Variants in CCDC39 observed in about 807,000 individuals in gnomAD.
The protein encoded by CCDC39 is coiled-coil domain-containing protein 39.
CCDC39 carries 113 observed loss-of-function variants against 121.0 expected under a neutral mutation model. The observed-to-expected ratio is 0.93, with a 90% CI of 0.80 to 1.09. CCDC39 has a LOEUF of 1.09. Among genes scored for constraint, CCDC39 ranks in the 50% least tolerant of loss-of-function variants. The pLI is 0.00. For synonymous variants in CCDC39, 349 were observed against 352.2 expected (o/e 0.99, Z 0.10); for missense variants, 1,063 against 1,074.7 (o/e 0.99, Z 0.15).
intron 1 of CCDC39, among the ~76,000 whole-genome samples, chr3:180,668,157 C>T (rs1003012092): frequency 6.6e-6 from 1 of 152,126 alleles, no homozygotes; most frequent in African/African-American, 2.4e-5. Flanking sequence ...GCGGACAGAT[C>T]ACTTGAGACC....
rs748151034 is a variant in CCDC39 at position 180,648,328 on chromosome 3, C to A, written c.1199G>T (p.Gly400Val). 6.3e-7 allele frequency: 1 copy of A among 1,589,870 alleles called. No homozygotes were observed. The highest frequency in any genetic ancestry group is 1.4e-5 in the African/African-American group (1 of 73,786). The stretch of plus-strand genomic sequence containing the variant: ...CTCCTGAGCTTTCTTAAACAGCACA[C>A]CTTTTATGAGGTTCAGTTGAACATC... ...EVDVQLNLIK[G>V]VLFKKAQELQ... Residue 400 changes from glycine to valine, a missense_variant, in exon 10 of 20, where the codon GGT becomes GTT. Physicochemically the swap from Gly to Val is moderately radical, Grantham distance 109. Transcript: ENST00000476379.
intron 3 of CCDC39, among the ~76,000 whole-genome samples, chr3:180,661,274 AAC>A (rs1437414980): frequency 6.6e-6 from 1 of 152,056 alleles, no homozygotes; most frequent in East Asian, 1.9e-4. Flanking sequence ...CTCATAAAAA[AAC>A]AGAGACAACT....
Position 180,654,939 on chromosome 3 carries a change from T to C in CCDC39, c.753A>G (p.Ile251Met). 2 of 1,560,266 alleles carry C rather than the reference T, an allele frequency of 1.3e-6. No homozygotes were observed. Among genetic ancestry groups the C allele is most frequent in the Middle Eastern group, 1.7e-4 (1 of 5,940 alleles). ...TTTCTTTTTCTCTCGTTTCCTGCTT[T>C]ATCCTTGCTAATTCCTAGGATTAAA... ...IDNCALELAR[I>M]KQETREKENL... Residue 251 changes from isoleucine to methionine, a missense_variant, in exon 7 of 20, where the codon ATA (isoleucine) becomes ATG (methionine). Ile to Met is a conservative substitution (Grantham distance 10). Transcript: ENST00000476379.
intron 6 of CCDC39, among the ~76,000 whole-genome samples, chr3:180,659,046 G>C (rs543313147): frequency 1.3e-5 from 2 of 152,206 alleles, no homozygotes; most frequent in African/African-American, 4.8e-5. Flanking sequence ...CTGCAGTCTA[G>C]GTTTCTTTTC....
intron 13 of CCDC39, among the ~76,000 whole-genome samples, chr3:180,634,958 A>T (rs6766929): frequency 0.36 from 54,243 of 152,080 alleles, 12,315 homozygotes; most frequent in African/African-American, 0.65. Flanking sequence ...ATAACCATTT[A>T]ATTAGTCCAT....
At chr3:180,674,793 A>C (rs1576955973) in intron 1 of CCDC39, among the ~76,000 whole-genome samples, 1 of 151,812 alleles carries the variant, frequency 6.6e-6, no homozygotes. Context: ...ATTGATTTGC[A>C]TATGTTGAAC....
intron 13 of CCDC39, among the ~76,000 whole-genome samples, chr3:180,637,312 A>G (rs1436265364): frequency 6.6e-6 from 1 of 152,208 alleles, no homozygotes; most frequent in Non-Finnish European, 1.5e-5. Context: ...GCCAAAAAGC[A>G]TATGAAAAAA....
At chr3:180,627,582 C>G (rs189732236) in intron 14 of CCDC39, among the ~76,000 whole-genome samples, 66 of 152,292 alleles carry the variant, frequency 4.3e-4, no homozygotes, top group Non-Finnish European at 7.8e-4. Context: ...CTTAATTGGA[C>G]AGTGTCATTA....
chr3:180,655,082 T>A (rs2108426545), intron 6 of CCDC39, 129 bp from the exon 7 acceptor site: 1 of 525,340 alleles, frequency 1.9e-6, no homozygotes, highest in East Asian at 3.5e-5. Context: ...AAGACATTTT[T>A]AAATACTTTT....
intron 19 of CCDC39, 48 bp downstream of exon 19, chr3:180,616,233 T>C (rs763335498): frequency 6.6e-7 from 1 of 1,504,496 alleles, no homozygotes; most frequent in East Asian, 2.3e-5. Flanking sequence ...AATCACTTAG[T>C]GTACAGCTGT....
intron 14 of CCDC39, among the ~76,000 whole-genome samples, chr3:180,625,081 T>G (rs1717526429): frequency 6.6e-6 from 1 of 152,162 alleles, no homozygotes; most frequent in East Asian, 1.9e-4. Flanking sequence ...TTACTAGACT[T>G]GAGATGTTTT....
chr3:180,668,234 C>T (rs1021874942), intron 1 of CCDC39, among the ~76,000 whole-genome samples: 1 of 152,042 alleles, frequency 6.6e-6, no homozygotes, highest in Admixed American at 6.6e-5. Flanking sequence ...AAAAAATTAG[C>T]CGGGTATGGT....
chr3:180,656,535 C>T lies in CCDC39; in HGVS notation c.739-1582G>A, dbSNP rs1443638039. Among the ~76,000 whole-genome samples the T allele has an allele frequency of 2.0e-5, 3 of 152,128 alleles. No homozygotes were observed. In the East Asian group the frequency reaches 5.8e-4, roughly 29 times the overall value. ...ATAAAATATTCCACCCTCCAATATG[C>T]TACCGTCAGAGGCATTTGAACCATA... On this transcript the variant is annotated intron_variant, in intron 6 of 19. Transcript: ENST00000476379.
In CCDC39 at chr3:180,653,078, G is replaced by A. The variant is rs571168354; in HGVS notation, c.931-812C>T. 4.5e-4 allele frequency among the ~76,000 whole-genome samples: 68 copies of A among 152,252 alleles called. 1 individual carries two copies. The highest frequency in any genetic ancestry group is 1.5e-3 in the African/African-American group (61 of 41,542). ...TTAACATGGTCATACTATTCAAAGC[G>A]ATCTACAGATTTGTGAAAGTTGTCA... On this transcript the variant is annotated intron_variant, in intron 7 of 19. Transcript: ENST00000476379.
At chr3:180,652,415 C>G (rs922628043) in intron 7 of CCDC39, 149 bp from the exon 8 acceptor site, 3 of 490,466 alleles carry the variant, frequency 6.1e-6, no homozygotes, top group Admixed American at 8.1e-5. Flanking sequence ...AATATATAAA[C>G]AGATTTCCAT....
intron 1 of CCDC39, among the ~76,000 whole-genome samples, chr3:180,666,933 C>T (rs983759179): frequency 6.6e-6 from 1 of 151,836 alleles, no homozygotes; most frequent in African/African-American, 2.4e-5. Flanking sequence ...TAAAACAAGA[C>T]CATGGTGCTA....
chr3:180,626,584 T>G (rs1376022839), intron 14 of CCDC39, among the ~76,000 whole-genome samples: 2 of 152,092 alleles, frequency 1.3e-5, no homozygotes, highest in African/African-American at 4.8e-5. Flanking sequence ...CTTTTCTCCC[T>G]CCTTGGATCG....
At chr3:180,634,401 C>G (rs1717777603) in intron 13 of CCDC39, among the ~76,000 whole-genome samples, 1 of 152,144 alleles carries the variant, frequency 6.6e-6, no homozygotes, top group Admixed American at 6.5e-5. Context: ...TGCTCATCAC[C>G]AGGTAGGGTG....
At chr3:180,621,133 A>G (rs2108407271) in intron 14 of CCDC39, among the ~76,000 whole-genome samples, 1 of 152,230 alleles carries the variant, frequency 6.6e-6, no homozygotes, top group African/African-American at 2.4e-5. Flanking sequence ...TTCATTGTGC[A>G]TATATACCAC....
Sources: gnomAD v4.1 joint callset for allele counts (sites outside exome capture counted in the v4.1 genomes callset) on GRCh38, gnomAD v4.1.1 for gene constraint, MANE v1.5 for transcripts, NCBI Gene and HGNC (gene_info 2026-07-23, HGNC 2026-07-21) for gene names.